GDAP1: variants seen among roughly 807,000 people sequenced by gnomAD.
GDAP1 encodes ganglioside induced differentiation associated protein 1, also known as ganglioside-induced differentiation-associated protein 1.
A neutral mutation model predicts 40.1 loss-of-function variants in GDAP1; 34 were observed. That is an observed-to-expected ratio of 0.85 (90% CI 0.64 to 1.13). GDAP1 has a LOEUF of 1.13. Ranked by LOEUF, GDAP1 falls within the 50% of genes most tolerant of loss-of-function variation. GDAP1 has a pLI of 0.00. For synonymous variants in GDAP1, 170 were observed against 157.4 expected (o/e 1.08, Z -0.60); for missense variants, 374 against 433.7 (o/e 0.86, Z 1.22).
chr8:74,395,447 T>G (rs533440914), intron 2 of GDAP1, among the ~76,000 whole-genome samples: 1 of 152,142 alleles, frequency 6.6e-6, no homozygotes, highest in Non-Finnish European at 1.5e-5. Context: ...TGAAGAACAA[T>G]AGTAAATTGG....
At chr8:74,361,814 C>T in intron 3 of GDAP1, 70 bp from the exon 4 acceptor site, 2 of 894,906 alleles carry the variant, frequency 2.2e-6, no homozygotes, top group Non-Finnish European at 3.8e-6. Flanking sequence ...TTGAGTTTCT[C>T]TGCTTCTCCT....
intron 2 of GDAP1, among the ~76,000 whole-genome samples, chr8:74,445,743 A>C (rs1806219225): frequency 6.6e-6 from 1 of 152,148 alleles, no homozygotes; most frequent in South Asian, 2.1e-4. Context: ...GATTGAAAAA[A>C]GTTGTCCTAG....
Position 74,360,252 on chromosome 8 carries a change from A to G in GDAP1, c.426A>G (p.Leu142=). The G allele has an allele frequency of 6.2e-7, 1 of 1,613,958 alleles. No homozygotes were observed. The highest frequency in any genetic ancestry group is 1.1e-5 in the South Asian group (1 of 91,074). ...PMDAYTHGCI[L]HPELTVDSMI... is the part of the protein sequence containing the mutation. ...ATGCCTATACACATGGCTGCATTTTACATCCTGAGTTAACTGTGGACTCCA... is the reference window on the plus strand; with the variant it reads ...ATGCCTATACACATGGCTGCATTTTGCATCCTGAGTTAACTGTGGACTCCA... Residue 142 remains leucine, a synonymous_variant, in exon 3 of 6, where the codon TTA becomes TTG. Transcript: ENST00000220822.
chr8:74,396,584 C>G (rs1324318692), intron 2 of GDAP1, among the ~76,000 whole-genome samples: 3 of 151,868 alleles, frequency 2.0e-5, no homozygotes, highest in Admixed American at 2.0e-4. Context: ...CAATTCCCAC[C>G]TATGAGTGAG....
At chr8:74,424,196 G>A (rs1481214511) in intron 2 of GDAP1, among the ~76,000 whole-genome samples, 1 of 152,034 alleles carries the variant, frequency 6.6e-6, no homozygotes, top group African/African-American at 2.4e-5. Context: ...CAATATAAAT[G>A]ATATATAAAT....
chr8:74,463,290 A>T (rs1806425540), intron 2 of GDAP1, among the ~76,000 whole-genome samples: 1 of 146,642 alleles, frequency 6.8e-6, no homozygotes, highest in African/African-American at 2.6e-5. Flanking sequence ...CATATGTATT[A>T]AAAAAATAAA....
chr8:74,384,792 C>A (rs891391202), intron 2 of GDAP1, among the ~76,000 whole-genome samples: 2 of 152,114 alleles, frequency 1.3e-5, no homozygotes, highest in Non-Finnish European at 2.9e-5. Context: ...GTAGCTGCAC[C>A]GACTTACATC....
intron 2 of GDAP1, among the ~76,000 whole-genome samples, chr8:74,486,055 C>T (rs1806772377): frequency 6.6e-6 from 1 of 152,082 alleles, no homozygotes; most frequent in Non-Finnish European, 1.5e-5. Context: ...AGGGGAAATC[C>T]ATGTTAGCAA....
In GDAP1 at chr8:74,471,456, T is replaced by TA. The variant is rs75679991; in HGVS notation, c.166-17214dup. On this transcript the variant is annotated intron_variant, in intron 2 of 2. Transcript: ENST00000523640. ...TCAGAGTAAATTTTCCTTTTTTTTT[T>TA]AAAAAAAATAATTCCTTCCTTTTGT... 1.6e-3 allele frequency among the ~76,000 whole-genome samples: 230 copies of TA among 146,638 alleles called. 2 individuals are homozygous for TA. Among genetic ancestry groups the TA allele is most frequent in the African/African-American group, 5.0e-3 (204 of 40,724 alleles).
intron 2 of GDAP1, among the ~76,000 whole-genome samples, chr8:74,404,109 A>G (rs1805604640): frequency 6.7e-6 from 1 of 149,910 alleles, no homozygotes. Context: ...TTTCTTGAGT[A>G]TTTACAATGT....
intron 2 of GDAP1, among the ~76,000 whole-genome samples, chr8:74,424,669 T>C (rs1264736459): frequency 6.6e-6 from 1 of 152,190 alleles, no homozygotes; most frequent in Non-Finnish European, 1.5e-5. Context: ...GCAATATAAC[T>C]AGTTTCTTTG....
chr8:74,422,954 TAAC>T (rs1483651561), intron 2 of GDAP1, among the ~76,000 whole-genome samples: 2 of 150,938 alleles, frequency 1.3e-5, no homozygotes, highest in African/African-American at 2.4e-5. Context: ...TCACTAATGA[TAAC>T]ATCATCAGTT....
At chr8:74,421,005 C>A (rs901993044) in intron 2 of GDAP1, among the ~76,000 whole-genome samples, 27 of 151,768 alleles carry the variant, frequency 1.8e-4, no homozygotes, top group African/African-American at 6.1e-4. Context: ...TATATCATAG[C>A]TCTGGGATAA....
chr8:74,463,201 C>CTTTATAA (rs1806423543), intron 2 of GDAP1, among the ~76,000 whole-genome samples: 1 of 142,728 alleles, frequency 7.0e-6, no homozygotes, highest in Non-Finnish European at 1.5e-5. Flanking sequence ...CCTATAATCC[C>CTTTATAA]AGCACTTTGG....
chr8:74,379,492 G>T (rs1809914750), intron 2 of GDAP1, among the ~76,000 whole-genome samples: 1 of 152,072 alleles, frequency 6.6e-6, no homozygotes, highest in Admixed American at 6.5e-5. Flanking sequence ...TACCAAGTAG[G>T]ACCCCTACTT....
chr8:74,469,589 A>G (rs892673977), intron 2 of GDAP1, among the ~76,000 whole-genome samples: 1 of 150,212 alleles, frequency 6.7e-6, no homozygotes, highest in African/African-American at 2.5e-5. Flanking sequence ...AATGGCGTGA[A>G]CCCCGGGGAG....
At chr8:74,369,803 C>T (rs563858558), downstream of GDAP1, among the ~76,000 whole-genome samples, 7 of 34,600 alleles carry the variant, frequency 2.0e-4, no homozygotes, top group South Asian at 8.4e-3. Flanking sequence ...ATCTTGAAAG[C>T]AGTTAGAAGG....
intron 2 of GDAP1, among the ~76,000 whole-genome samples, chr8:74,470,812 C>T (rs1439948123): frequency 2.0e-5 from 3 of 152,140 alleles, no homozygotes; most frequent in African/African-American, 7.2e-5. Context: ...AGTTCTAGAT[C>T]CCTGAGGAAT....
At chr8:74,377,660 T>C (rs1006701416) in intron 2 of GDAP1, among the ~76,000 whole-genome samples, 3 of 152,232 alleles carry the variant, frequency 2.0e-5, no homozygotes, top group African/African-American at 4.8e-5. Context: ...ACTGGAACTT[T>C]TATAATTTAC....
Sources: gnomAD v4.1 joint callset for allele counts (sites outside exome capture counted in the v4.1 genomes callset) on GRCh38, gnomAD v4.1.1 for gene constraint, MANE v1.5 for transcripts, NCBI Gene and HGNC (gene_info 2026-07-23, HGNC 2026-07-21) for gene names.